ULK4: variants seen among roughly 807,000 people sequenced by gnomAD.
ULK4 encodes inactive serine/threonine-protein kinase ULK4.
In ULK4, 133 loss-of-function variants were observed where a neutral mutation model predicts 160.6. That is an observed-to-expected ratio of 0.83 (90% CI 0.72 to 0.96). ULK4 has a LOEUF of 0.96. Among genes scored for constraint, ULK4 ranks in the 40% least tolerant of loss-of-function variants. The pLI is 0.00. For synonymous variants in ULK4, 534 were observed against 539.8 expected, an observed-to-expected ratio of 0.99 and a Z score of 0.15; for missense variants, 1,580 against 1,499.5, an observed-to-expected ratio of 1.05 and a Z score of -0.89.
chr3:41,401,706 T>C (rs1342764444), intron 34 of ULK4, among the ~76,000 whole-genome samples: 2 of 152,156 alleles, frequency 1.3e-5, no homozygotes, highest in Non-Finnish European at 2.9e-5. Context: ...TGATGATCCT[T>C]GGAGCCACTC....
At chr3:41,306,534 C>G (rs2079941028) in intron 35 of ULK4, among the ~76,000 whole-genome samples, 2 of 150,544 alleles carry the variant, frequency 1.3e-5, no homozygotes, top group African/African-American at 4.9e-5. Flanking sequence ...GGGGGGTCAG[C>G]CCCCTGCCCG....
intron 25 of ULK4, among the ~76,000 whole-genome samples, chr3:41,710,106 T>C (rs1248131565): frequency 6.6e-6 from 1 of 151,900 alleles, no homozygotes; most frequent in Non-Finnish European, 1.5e-5. Flanking sequence ...CTTTTTCACA[T>C]ATATATATAT....
At chr3:41,801,743 T>C (rs1476127126) in intron 19 of ULK4, among the ~76,000 whole-genome samples, 1 of 151,880 alleles carries the variant, frequency 6.6e-6, no homozygotes, top group East Asian at 1.9e-4. Flanking sequence ...CCCAGCCACC[T>C]GGGAGGCTGA....
In ULK4 at chr3:41,800,140, C is replaced by T; in HGVS notation, c.2002G>A (p.Ala668Thr). 1 of 1,606,740 alleles carries T rather than the reference C, an allele frequency of 6.2e-7. No homozygotes were observed. Among genetic ancestry groups the T allele is most frequent in the Non-Finnish European group, 8.5e-7 (1 of 1,178,062 alleles). The change falls in exon 20 of 37, where the codon GCA (alanine) becomes ACA (threonine). Residue 668 changes from alanine (A) to threonine (T), a missense_variant. Coordinates refer to ENST00000301831, the MANE Select transcript of ULK4 (RefSeq NM_017886.4). ...HSTADSLRIT[A>T]VSALCRITRH... is the part of the protein sequence containing the mutation. ...AAGATGCTTCATCTTACCGATACTG[C>T]TGTTATCCTAAGAGAATCAGCAGTG...
In ULK4 at chr3:41,754,468, GA is replaced by G. The variant is rs771632122; in HGVS notation, c.2213del (p.Ile738ThrfsTer23). On this transcript the variant is annotated frameshift_variant, in exon 22 of 37. Coordinates refer to ENST00000301831, the MANE Select transcript of ULK4 (RefSeq NM_017886.4). LOFTEE classifies it high-confidence loss of function. The part of the protein sequence containing the change: ...IQEKGFVSTI[I>X]RLLDSPSTCI... ...ATGTTGAGGGGCTGTCAAGTAAACG[GA>G]TAATTGTGGAGACAAAACCCTGTAG... 1.2e-6 allele frequency: 2 copies of G among 1,613,068 alleles called. No individual in the cohort carries two copies. The highest frequency in any genetic ancestry group is 1.1e-5 in the South Asian group (1 of 90,828).
At chr3:41,609,898 C>T (rs2032584427) in intron 31 of ULK4, among the ~76,000 whole-genome samples, 1 of 151,640 alleles carries the variant, frequency 6.6e-6, no homozygotes, top group African/African-American at 2.4e-5. Flanking sequence ...CACTTGAGCC[C>T]AGGAGTTTGA....
intron 5 of ULK4, among the ~76,000 whole-genome samples, chr3:41,926,811 A>G (rs1359196637): frequency 6.6e-6 from 1 of 152,204 alleles, no homozygotes; most frequent in East Asian, 1.9e-4. Flanking sequence ...AAAAAGAATG[A>G]AAAGGAACAA....
chr3:41,637,743 T>A (rs1247376719), intron 30 of ULK4, among the ~76,000 whole-genome samples: 1 of 152,186 alleles, frequency 6.6e-6, no homozygotes, highest in Non-Finnish European at 1.5e-5. Flanking sequence ...CTAACAGGTG[T>A]GAAGTGATTG....
At chr3:41,543,119 G>GT (rs1174125825) in intron 32 of ULK4, among the ~76,000 whole-genome samples, 2 of 152,046 alleles carry the variant, frequency 1.3e-5, no homozygotes, top group African/African-American at 4.8e-5. Flanking sequence ...TGCCCATCAA[G>GT]TTTTCAGTGC....
chr3:41,711,910 G>C (rs958927555), intron 25 of ULK4, among the ~76,000 whole-genome samples: 1 of 152,156 alleles, frequency 6.6e-6, no homozygotes, highest in Non-Finnish European at 1.5e-5. Context: ...CCAGAGACTA[G>C]ACTGCTGAAA....
intron 30 of ULK4, among the ~76,000 whole-genome samples, chr3:41,622,788 T>C (rs942474309): frequency 6.6e-6 from 1 of 152,180 alleles, no homozygotes; most frequent in African/African-American, 2.4e-5. Context: ...TTTGAATCTC[T>C]AAATACTCTT....
chr3:41,784,079 T>C (rs2039931204), intron 21 of ULK4, among the ~76,000 whole-genome samples: 1 of 152,158 alleles, frequency 6.6e-6, no homozygotes, highest in Non-Finnish European at 1.5e-5. Flanking sequence ...AGGTAATCAA[T>C]TCCCTACATC....
intron 31 of ULK4, among the ~76,000 whole-genome samples, chr3:41,574,354 T>A (rs17058895): frequency 1.3e-5 from 2 of 151,556 alleles, no homozygotes; most frequent in African/African-American, 4.9e-5. Context: ...TATTGTTCCC[T>A]CATCTAGTCA....
intron 29 of ULK4, 63 bp from the exon 30 acceptor site, chr3:41,663,762 T>G (rs2035263240): frequency 1.5e-6 from 2 of 1,311,470 alleles, no homozygotes; most frequent in Non-Finnish European, 2.2e-6. Context: ...CCTTGAATTC[T>G]ATATCCAGCC....
intron 2 of ULK4, among the ~76,000 whole-genome samples, chr3:41,941,229 G>A (rs1385064272): frequency 6.7e-6 from 1 of 149,108 alleles, no homozygotes; most frequent in Admixed American, 6.8e-5. Flanking sequence ...GTAGAGACAA[G>A]GTCTCACTTT....
At chr3:41,953,877 G>A (rs950019741) in intron 2 of ULK4, among the ~76,000 whole-genome samples, 4 of 151,986 alleles carry the variant, frequency 2.6e-5, no homozygotes, top group East Asian at 3.9e-4. Context: ...GCCAAACCCC[G>A]ACTCCATGAA....
intron 2 of ULK4, 32 bp downstream of exon 2, chr3:41,954,586 CTCTT>C: frequency 1.9e-6 from 3 of 1,595,300 alleles, no homozygotes; most frequent in Non-Finnish European, 2.6e-6. Flanking sequence ...TTGTAGCTCT[CTCTT>C]TCCCCATGCC....
intron 32 of ULK4, among the ~76,000 whole-genome samples, chr3:41,476,479 G>C (rs1208856635): frequency 6.6e-6 from 1 of 152,152 alleles, no homozygotes; most frequent in Non-Finnish European, 1.5e-5. Flanking sequence ...CCAGAGTTAA[G>C]ACTTTCCAAG....
chr3:41,711,438 G>A (rs1327558168), intron 25 of ULK4, among the ~76,000 whole-genome samples: 3 of 152,102 alleles, frequency 2.0e-5, no homozygotes, highest in South Asian at 4.2e-4. Context: ...AGCAAACTGG[G>A]ATACAAATTC....
Sources: gnomAD v4.1 joint callset for allele counts (sites outside exome capture counted in the v4.1 genomes callset) on GRCh38, gnomAD v4.1.1 for gene constraint, MANE v1.5 for transcripts, NCBI Gene and HGNC (gene_info 2026-07-23, HGNC 2026-07-21) for gene names.